PDE7B: variants seen among roughly 807,000 people sequenced by gnomAD.
The protein encoded by PDE7B is phosphodiesterase 7B.
A neutral mutation model predicts 56.2 loss-of-function variants in PDE7B; 29 were observed. The observed-to-expected ratio is 0.52, with a 90% CI of 0.38 to 0.70. The LOEUF (loss-of-function observed/expected upper bound fraction) is 0.70, where lower values mean the gene tolerates loss of function less well. PDE7B is among the 30% of genes least tolerant of loss of function. PDE7B has a pLI of 0.00. For synonymous variants in PDE7B, 197 were observed against 196.9 expected (o/e 1.00, Z 0.00); for missense variants, 490 against 565.0 (o/e 0.87, Z 1.35).
chr6:135,918,909 T>C (rs1356045381), intron 1 of PDE7B, among the ~76,000 whole-genome samples: 3 of 152,246 alleles, frequency 2.0e-5, no homozygotes, highest in African/African-American at 7.2e-5. Flanking sequence ...TGTTTTCACA[T>C]GGGAATTGTT....
At chr6:136,142,744 G>C (rs1778349315) in intron 3 of PDE7B, among the ~76,000 whole-genome samples, 1 of 152,082 alleles carries the variant, frequency 6.6e-6, no homozygotes, top group Non-Finnish European at 1.5e-5. Context: ...CTGGTTTAAA[G>C]TCTTTTTTAT....
At chr6:135,934,960 TATATATATTTCTCTATATATTTTATATA>T (rs1562445248) in intron 1 of PDE7B, among the ~76,000 whole-genome samples, 5,769 of 55,376 alleles carry the variant, frequency 0.1, 935 homozygotes, top group Non-Finnish European at 0.14. Context: ...TTATATATAA[TATATATATTTCTCTATATATTTTATATA>T]GAGATGAAGT....
intron 3 of PDE7B, among the ~76,000 whole-genome samples, chr6:136,116,451 A>C (rs893476303): frequency 6.6e-6 from 1 of 152,252 alleles, no homozygotes; most frequent in African/African-American, 2.4e-5. Context: ...ACACAGTTTC[A>C]ATGAATCCAA....
intron 1 of PDE7B, among the ~76,000 whole-genome samples, chr6:135,876,097 G>T (rs1480368420): frequency 6.6e-6 from 1 of 152,186 alleles, no homozygotes; most frequent in Non-Finnish European, 1.5e-5. Context: ...AGGGGAGGGA[G>T]AAGAAAGGAA....
intron 2 of PDE7B, among the ~76,000 whole-genome samples, chr6:136,105,485 AAATAAT>A (rs966494830): frequency 2.0e-5 from 3 of 152,208 alleles, no homozygotes; most frequent in African/African-American, 2.4e-5. Context: ...TAAAGCTGTC[AAATAAT>A]AATAATAACA....
intron 3 of PDE7B, among the ~76,000 whole-genome samples, chr6:136,123,450 C>T (rs1196118087): frequency 6.6e-6 from 1 of 152,188 alleles, no homozygotes; most frequent in African/African-American, 2.4e-5. Context: ...GCCAAACTAT[C>T]TCAACGTTCA....
intron 2 of PDE7B, among the ~76,000 whole-genome samples, chr6:136,056,513 T>C (rs1472537746): frequency 4.2e-5 from 1 of 24,072 alleles, no homozygotes; most frequent in East Asian, 1.4e-3. Context: ...GATAGAATCC[T>C]TTTTTTTTTT....
intron 11 of PDE7B, among the ~76,000 whole-genome samples, chr6:136,182,472 T>C (rs1049498741): frequency 6.6e-6 from 1 of 152,194 alleles, no homozygotes; most frequent in African/African-American, 2.4e-5. Context: ...TGTTGAATAT[T>C]GAAATAGCAT....
At chr6:136,086,124 T>G (rs1293110656) in intron 2 of PDE7B, among the ~76,000 whole-genome samples, 1 of 152,222 alleles carries the variant, frequency 6.6e-6, no homozygotes, top group Non-Finnish European at 1.5e-5. Flanking sequence ...AAATGCCTCT[T>G]TGTCAAAGGA....
intron 1 of PDE7B, among the ~76,000 whole-genome samples, chr6:135,878,000 A>G (rs1775532913): frequency 6.6e-6 from 1 of 152,164 alleles, no homozygotes; most frequent in South Asian, 2.1e-4. Context: ...GCCACATGCA[A>G]TTAGAGCAGG....
chr6:135,896,624 T>A (rs1775906890), intron 1 of PDE7B, among the ~76,000 whole-genome samples: 1 of 151,996 alleles, frequency 6.6e-6, no homozygotes, highest in African/African-American at 2.4e-5. Context: ...TATGTTACTG[T>A]CCCCATTTTA....
At chr6:136,152,570 A>G (rs1478583364) in intron 6 of PDE7B, among the ~76,000 whole-genome samples, 1 of 152,138 alleles carries the variant, frequency 6.6e-6, no homozygotes, top group African/African-American at 2.4e-5. Context: ...CCATCTTTCC[A>G]CTGAACTCCA....
intron 2 of PDE7B, among the ~76,000 whole-genome samples, chr6:136,060,578 T>C (rs1776821019): frequency 6.6e-6 from 1 of 152,202 alleles, no homozygotes; most frequent in Non-Finnish European, 1.5e-5. Context: ...TGTACAAAAA[T>C]CATTTATTTA....
chr6:135,882,811 A>G (rs569786893), intron 1 of PDE7B, among the ~76,000 whole-genome samples: 1 of 152,280 alleles, frequency 6.6e-6, no homozygotes, highest in South Asian at 2.1e-4. Context: ...CTATTTGAAC[A>G]CTTTCAATGA....
chr6:136,119,611 C>T (rs1777895181), intron 3 of PDE7B, among the ~76,000 whole-genome samples: 1 of 152,148 alleles, frequency 6.6e-6, no homozygotes, highest in Non-Finnish European at 1.5e-5. Flanking sequence ...CCAAAGAGCA[C>T]AAAATCAAAG....
intron 2 of PDE7B, among the ~76,000 whole-genome samples, chr6:136,023,440 G>T (rs79581324): frequency 0.088 from 13,336 of 152,218 alleles, 768 homozygotes; most frequent in Non-Finnish European, 0.13. Context: ...TAGCAAAGGG[G>T]CCACCAAATC....
chr6:136,141,191 G>A (rs535542372), intron 3 of PDE7B, among the ~76,000 whole-genome samples: 2 of 152,260 alleles, frequency 1.3e-5, no homozygotes, highest in South Asian at 2.1e-4. Flanking sequence ...GTTGAATTTT[G>A]TCAAAGGCCT....
intron 1 of PDE7B, among the ~76,000 whole-genome samples, chr6:135,898,658 C>A (rs1295514361): frequency 6.6e-6 from 1 of 151,954 alleles, no homozygotes; most frequent in Non-Finnish European, 1.5e-5. Flanking sequence ...AGACATTGAA[C>A]CAAAATTTTC....
chr6:136,182,481 A>G (rs1288504696), intron 11 of PDE7B, among the ~76,000 whole-genome samples: 1 of 152,234 alleles, frequency 6.6e-6, no homozygotes. Context: ...TTGAAATAGC[A>G]TAGTGAGAGA....
Sources: allele counts gnomAD v4.1 joint callset (sites outside exome capture counted in the v4.1 genomes callset), GRCh38; gene constraint gnomAD v4.1.1; transcripts MANE v1.5; gene names NCBI Gene and HGNC (gene_info 2026-07-23, HGNC 2026-07-21).